The following STK33 variants were observed in gnomAD, a reference collection of about 807,000 sequenced individuals.
STK33 encodes the protein serine/threonine kinase 33, also known as serine/threonine-protein kinase 33.
Under a neutral mutation model 58.0 loss-of-function variants are expected in STK33, and 52 were observed. The observed-to-expected ratio is 0.90, with a 90% CI of 0.72 to 1.13. The LOEUF (loss-of-function observed/expected upper bound fraction) is 1.13. STK33 is among the 50% of genes most tolerant of loss of function. STK33 has a pLI of 0.00. For synonymous variants in STK33, 215 were observed against 200.1 expected, an observed-to-expected ratio of 1.07 and a Z score of -0.63; for missense variants, 630 against 604.2, an observed-to-expected ratio of 1.04 and a Z score of -0.45.
At chr11:8,510,862 A>G (rs1395851866) in intron 1 of STK33, among the ~76,000 whole-genome samples, 1 of 152,120 alleles carries the variant, frequency 6.6e-6, no homozygotes. Context: ...ATCGGTCTAC[A>G]TGCCCATTTT....
intron 1 of STK33, among the ~76,000 whole-genome samples, chr11:8,490,767 G>A (rs1232648962): frequency 6.6e-6 from 1 of 152,164 alleles, no homozygotes; most frequent in Non-Finnish European, 1.5e-5. Flanking sequence ...TTGTTGTTCT[G>A]CAGCCTCTGC....
chr11:8,358,941 G>A, the STK33 span, among the ~76,000 whole-genome samples: 1 of 152,118 alleles, frequency 6.6e-6, no homozygotes, highest in South Asian at 2.1e-4. Flanking sequence ...ATCAGCAATG[G>A]GACAGTCAAA....
At chr11:8,337,838 C>T in the STK33 span, among the ~76,000 whole-genome samples, 1 of 152,156 alleles carries the variant, frequency 6.6e-6, no homozygotes, top group African/African-American at 2.4e-5. Flanking sequence ...AGCTCTTCCC[C>T]CAGACATCCC....
At chr11:8,478,141 TTACTAAAACAAATC>T (rs61169682) in intron 2 of STK33, among the ~76,000 whole-genome samples, 15,242 of 152,216 alleles carry the variant, frequency 0.1, 1,850 homozygotes, top group African/African-American at 0.3. Context: ...GAAAGATTTG[TTACTAAAACAAATC>T]TACTATTTCA....
At chr11:8,376,790 T>C in the STK33 span, among the ~76,000 whole-genome samples, 1 of 152,262 alleles carries the variant, frequency 6.6e-6, no homozygotes, top group African/African-American at 2.4e-5. Context: ...TCCTCCCACA[T>C]CAGCCTCCCA....
rs1262369688 is a variant in STK33, at chr11:8,492,810, A to C, written c.-465-12196T>G. ...TAAGAAACTCACTCAAATCCTGAAA[A>C]GTGCATGGAAACTGAACAACTTACT... On this transcript the variant is annotated intron_variant, in intron 1 of 15. Transcript: ENST00000687296. Among the ~76,000 whole-genome samples, 4 of 152,238 alleles carry C rather than the reference A, an allele frequency of 2.6e-5. No individual in the cohort carries two copies. In the East Asian group the frequency reaches 7.7e-4, roughly 29 times the overall value.
intron 14 of STK33, among the ~76,000 whole-genome samples, chr11:8,425,830 C>T (rs953380615): frequency 6.6e-6 from 1 of 151,830 alleles, no homozygotes; most frequent in Non-Finnish European, 1.5e-5. Flanking sequence ...CTTGGCAGGG[C>T]ATGCAGTGGG....
chr11:8,500,916 G>T (rs1019290498), intron 1 of STK33, among the ~76,000 whole-genome samples: 1 of 152,112 alleles, frequency 6.6e-6, no homozygotes, highest in South Asian at 2.1e-4. Context: ...ATTTTGACAA[G>T]GGTAGGTACC....
chr11:8,394,063 T>C (rs1418236220), intron 15 of STK33, among the ~76,000 whole-genome samples: 2 of 152,238 alleles, frequency 1.3e-5, no homozygotes, highest in Admixed American at 6.5e-5. Flanking sequence ...AAATTTGAAA[T>C]GTAAAAAGGT....
intron 15 of STK33, among the ~76,000 whole-genome samples, chr11:8,407,658 A>G (rs1276985943): frequency 2.0e-5 from 3 of 152,144 alleles, no homozygotes; most frequent in Non-Finnish European, 4.4e-5. Context: ...ATCAATAGAA[A>G]GTATCCAATG....
chr11:8,400,545 T>G (rs1248110258), intron 15 of STK33, among the ~76,000 whole-genome samples: 1 of 152,200 alleles, frequency 6.6e-6, no homozygotes, highest in East Asian at 1.9e-4. Flanking sequence ...AAGCATTCCC[T>G]TTGAAAACTG....
intron 1 of STK33, among the ~76,000 whole-genome samples, chr11:8,547,445 C>T (rs1565332204): frequency 1.3e-5 from 2 of 152,156 alleles, no homozygotes; most frequent in African/African-American, 2.4e-5. Flanking sequence ...AACTCCTGAC[C>T]TCAGGTGATC....
intron 6 of STK33, among the ~76,000 whole-genome samples, chr11:8,468,103 C>T (rs566103548): frequency 1.5e-4 from 23 of 152,284 alleles, no homozygotes; most frequent in Non-Finnish European, 2.6e-4. Flanking sequence ...ACTTACAGTT[C>T]CACATGGCTG....
chr11:8,448,433 A>G (rs1369060328), intron 11 of STK33, among the ~76,000 whole-genome samples: 40 of 152,172 alleles, frequency 2.6e-4, no homozygotes, highest in Admixed American at 2.6e-3. Flanking sequence ...CCCAAAATAG[A>G]GATATAGACC....
chr11:8,392,229 G>T lies in STK33; in HGVS notation c.*281C>A. ...GTGTGCCCACAGCCTTAAATTGAAGGTATCTGCCCCCCTAAAAAACCTTCG... is the reference window on the plus strand; with the variant it reads ...GTGTGCCCACAGCCTTAAATTGAAGTTATCTGCCCCCCTAAAAAACCTTCG... On this transcript the variant is annotated 3_prime_UTR_variant, in exon 16 of 16. Coordinates refer to ENST00000687296, the MANE Select transcript of STK33 (RefSeq NM_001352389.2). 1 of 436,018 alleles carries T rather than the reference G, an allele frequency of 2.3e-6. No homozygotes were observed. The highest frequency in any genetic ancestry group is 4.1e-6 in the Non-Finnish European group (1 of 244,784). The allele number at this position is 436,018 out of a possible 1,614,324, so 27.0% of individuals were successfully genotyped here. A position where few individuals can be genotyped will look rare whatever the true frequency, so the allele number is the denominator to read the frequency against.
intron 1 of STK33, among the ~76,000 whole-genome samples, chr11:8,539,590 AAGAGT>A (rs1955341125): frequency 6.6e-6 from 1 of 152,192 alleles, no homozygotes; most frequent in South Asian, 2.1e-4. Context: ...ACCAATAAAT[AAGAGT>A]AAACAACCCA....
chr11:8,462,627 CAG>C (rs139227379), intron 7 of STK33, among the ~76,000 whole-genome samples: 56 of 149,334 alleles, frequency 3.7e-4, no homozygotes, highest in East Asian at 5.8e-4. Context: ...GAGACAGAGA[CAG>C]AGAGAGAGAG....
At chr11:8,517,154 A>G (rs1389745724) in intron 1 of STK33, among the ~76,000 whole-genome samples, 1 of 152,234 alleles carries the variant, frequency 6.6e-6, no homozygotes, top group African/African-American at 2.4e-5. Context: ...AGGGTCAGGC[A>G]GCAACATCTG....
chr11:8,386,165 G>T, the STK33 span, among the ~76,000 whole-genome samples: 1 of 152,200 alleles, frequency 6.6e-6, no homozygotes, highest in African/African-American at 2.4e-5. Context: ...AAAAGAAAAA[G>T]ATTTTGGTGG....
Sources: gnomAD v4.1 joint callset for allele counts (sites outside exome capture counted in the v4.1 genomes callset) on GRCh38, gnomAD v4.1.1 for gene constraint, MANE v1.5 for transcripts, NCBI Gene and HGNC (gene_info 2026-07-23, HGNC 2026-07-21) for gene names.